Variants in PDGFA observed in about 807,000 individuals in gnomAD.
PDGFA encodes platelet-derived growth factor subunit A.
Under a neutral mutation model 25.6 loss-of-function variants are expected in PDGFA, and 9 were observed. That is an observed-to-expected ratio of 0.35 (90% CI 0.21 to 0.61). PDGFA has a LOEUF of 0.61. Among genes scored for constraint, PDGFA ranks in the 20% least tolerant of loss-of-function variants. The pLI is 0.75. For missense variants in PDGFA, 242 were observed against 272.8 expected, an observed-to-expected ratio of 0.89 and a Z score of 0.79; for synonymous variants, 133 against 111.8, an observed-to-expected ratio of 1.19 and a Z score of -1.20.
At chr7:497,260 T>G (rs182643620) in exon 6 of PDGFA, 1 of 152,172 alleles carries the variant, frequency 6.6e-6, no homozygotes, top group African/African-American at 2.4e-5. Context: ...TCCACGGGTT[T>G]TGTTGGTGGT....
Position 510,686 on chromosome 7 carries a change from G to A in PDGFA, c.453+123C>T, listed in dbSNP as rs1327132664. 5 of 488,364 alleles carry A rather than the reference G, an allele frequency of 1.0e-5. No homozygotes were observed. The African/African-American group carries it at 1.2e-4, about 11-fold the overall frequency. 30.3% of individuals were successfully genotyped at this position (488,364 alleles called of 1,614,324 possible). ...AGGAGGGACCCTGGCTGCTTGGTAG[G>A]GGCGGCCCCGGGCTTGGGTGGGGAG... On this transcript the variant is annotated intron_variant, in intron 4 of 5. Transcript: ENST00000402802.
At chr7:507,394 A>G (rs1562487679) in intron 4 of PDGFA, among the ~76,000 whole-genome samples, 3 of 152,176 alleles carry the variant, frequency 2.0e-5, no homozygotes, top group Admixed American at 6.5e-5. Context: ...AGAGCAAAGC[A>G]GGGGCCACTC....
chr7:513,931 T>TA (rs1411272849), intron 2 of PDGFA, among the ~76,000 whole-genome samples: 15 of 152,228 alleles, frequency 9.9e-5, no homozygotes, highest in Admixed American at 9.8e-4. Context: ...AGAACAGAAC[T>TA]ACTCATGCAG....
chr7:509,982 C>CG (rs570539252), intron 4 of PDGFA, among the ~76,000 whole-genome samples: 267 of 152,010 alleles, frequency 1.8e-3, no homozygotes, highest in African/African-American at 2.8e-3. Context: ...GGGGGGAAGC[C>CG]GGGGGGGCCC....
intron 3 of PDGFA, among the ~76,000 whole-genome samples, chr7:511,262 C>T (rs1227854591): frequency 1.5e-5 from 2 of 130,470 alleles, no homozygotes; most frequent in Non-Finnish European, 3.2e-5. Context: ...GGGAGGGGAA[C>T]TTAGTCCAGG....
In PDGFA at chr7:517,664, G is replaced by A. The variant is rs1021161038; in HGVS notation, c.64-174C>T. On this transcript the variant is annotated intron_variant, in intron 1 of 5. Coordinates refer to ENST00000402802, the Ensembl canonical transcript of PDGFA. The surrounding 1 kb of genome is among the most constrained non-coding windows in gnomAD (Gnocchi z 7.4). The stretch of plus-strand genomic sequence containing the variant: ...CCCGGCCCTGGAACCAGAAGCCGGG[G>A]GTGGGGCTGGAAGAGACCCCAAATT... Among the ~76,000 whole-genome samples the A allele has an allele frequency of 6.6e-6, 1 of 151,486 alleles. No homozygotes were observed. Among genetic ancestry groups the A allele is most frequent in the Non-Finnish European group, 1.5e-5 (1 of 67,844 alleles).
exon 1 of PDGFA, chr7:518,985 C>G: frequency 6.5e-7 from 1 of 1,541,364 alleles, no homozygotes; most frequent in Non-Finnish European, 8.7e-7. Context: ...GAGCAGCAGG[C>G]AAGCCAAGGT....
chr7:508,590 T>TAAAAAAACC (rs1275774675), intron 4 of PDGFA, among the ~76,000 whole-genome samples: 7 of 130,892 alleles, frequency 5.3e-5, no homozygotes, highest in African/African-American at 1.2e-4. Context: ...AAAAAAAAAT[T>TAAAAAAACC]CTCAGCTGAG....
At chr7:511,694 C>A (rs1040255133) in intron 3 of PDGFA, among the ~76,000 whole-genome samples, 2 of 152,158 alleles carry the variant, frequency 1.3e-5, no homozygotes, top group Non-Finnish European at 2.9e-5. Context: ...TCAAACCCAT[C>A]AGGTGGGACC....
chr7:516,771 C>T lies in PDGFA; in HGVS notation c.160+623G>A, dbSNP rs1462755806. ...CAAGCTGTGTTCTCTAGTGGCCCGGCCCCAGGGCCCGAGGGTGAGCCGCAA... is the reference window on the plus strand; with the variant it reads ...CAAGCTGTGTTCTCTAGTGGCCCGGTCCCAGGGCCCGAGGGTGAGCCGCAA... On this transcript the variant is annotated intron_variant, in intron 2 of 5. Coordinates refer to ENST00000402802, the Ensembl canonical transcript of PDGFA. Among the ~76,000 whole-genome samples, 3 of 152,258 alleles carry T rather than the reference C, an allele frequency of 2.0e-5. No individual in the cohort carries two copies. In the East Asian group the frequency reaches 5.8e-4, roughly 29 times the overall value.
intron 4 of PDGFA, among the ~76,000 whole-genome samples, chr7:505,272 T>C (rs1394661459): frequency 2.0e-5 from 3 of 152,084 alleles, no homozygotes; most frequent in South Asian, 2.1e-4. Context: ...GGTCCCCATG[T>C]CCCTCCCCTT....
Position 517,443 on chromosome 7 carries a change from C to G in PDGFA, c.111G>C (p.Gln37His), listed in dbSNP as rs200687076. Residue 37 changes from glutamine (Q) to histidine (H), a missense_variant, in exon 2 of 6, where the codon CAG becomes CAC. Physicochemically the swap from Gln to His is conservative, Grantham distance 24. Around this residue, in one of 5 missense-constraint regions of PDGFA, gnomAD observed 113 missense variants for 98.3 expected, o/e 1.15. Coordinates refer to ENST00000402802, the Ensembl canonical transcript of PDGFA. This position sits in a 1 kb window ranked among gnomAD's most constrained non-coding sequence, Gnocchi z 7.4. The stretch of plus-strand genomic sequence containing the variant: ...GCTGGAGGTCCCGGATGCTGTGGAT[C>G]TGACTGCGGGCCAGCCTCTCGATCA... 648 of 1,389,286 alleles carry G rather than the reference C, an allele frequency of 4.7e-4. 1 individual carries two copies. The highest frequency in any genetic ancestry group is 5.8e-4 in the Non-Finnish European group (616 of 1,057,270). 86.1% of individuals were successfully genotyped at this position (1,389,286 alleles called of 1,614,324 possible). A position where few individuals can be genotyped will look rare whatever the true frequency, so the allele number is the denominator to read the frequency against.
chr7:503,258 G>T (rs1782426044), intron 4 of PDGFA, among the ~76,000 whole-genome samples: 2 of 152,110 alleles, frequency 1.3e-5, no homozygotes, highest in Non-Finnish European at 2.9e-5. Context: ...CTGGGGAGCT[G>T]AGCACCCAGC....
intron 4 of PDGFA, among the ~76,000 whole-genome samples, chr7:503,498 C>A (rs769754335): frequency 1.8e-4 from 27 of 152,050 alleles, no homozygotes; most frequent in Admixed American, 3.3e-4. Context: ...CCCAGTGGCC[C>A]TGCCTCCCAG....
chr7:498,410 C>A, exon 6 of PDGFA: 2 of 697,614 alleles, frequency 2.9e-6, no homozygotes, highest in Middle Eastern at 3.2e-4. Context: ...AACAAATGTG[C>A]ACTGTCTCTT....
chr7:516,969 G>A (rs1783131934), intron 2 of PDGFA, among the ~76,000 whole-genome samples: 1 of 151,560 alleles, frequency 6.6e-6, no homozygotes, highest in African/African-American at 2.4e-5. Flanking sequence ...CCGCCCGCCC[G>A]CCCGTCGGAC....
chr7:503,494 G>T (rs1225066210), intron 4 of PDGFA, among the ~76,000 whole-genome samples: 1 of 152,034 alleles, frequency 6.6e-6, no homozygotes, highest in Non-Finnish European at 1.5e-5. Context: ...CCAGCCCAGT[G>T]GCCCTGCCTC....
chr7:510,932 G>T, exon 4 of PDGFA: 2 of 1,612,596 alleles, frequency 1.2e-6, no homozygotes, highest in Non-Finnish European at 1.7e-6. Flanking sequence ...ACGTGGGGTC[G>T]ACCTGACTCC....
chr7:501,193 T>G (rs1782322068), exon 5 of PDGFA: 1 of 1,614,214 alleles, frequency 6.2e-7, no homozygotes, highest in Non-Finnish European at 8.5e-7. Context: ...TAACCTCACC[T>G]GGACTTCTTT....
Sources: allele counts gnomAD v4.1 joint callset (sites outside exome capture counted in the v4.1 genomes callset), GRCh38; gene constraint gnomAD v4.1.1; regional missense constraint gnomAD v4.1.1; non-coding constraint Gnocchi (gnomAD v3.1); transcripts MANE v1.5; gene names NCBI Gene and HGNC (gene_info 2026-07-23, HGNC 2026-07-21).